ANKDD1A: variants seen among roughly 807,000 people sequenced by gnomAD.
ANKDD1A encodes the protein ankyrin repeat and death domain-containing protein 1A.
A neutral mutation model predicts 63.5 loss-of-function variants in ANKDD1A; 59 were observed. The observed-to-expected ratio is 0.93, with a 90% CI of 0.75 to 1.15. The LOEUF is 1.15. Among genes scored for constraint, ANKDD1A ranks in the 50% most tolerant of loss-of-function variants. The pLI is 0.00. For synonymous variants in ANKDD1A, 266 were observed against 263.9 expected, an observed-to-expected ratio of 1.01 and a Z score of -0.08; for missense variants, 632 against 656.4, an observed-to-expected ratio of 0.96 and a Z score of 0.41.
In ANKDD1A at chr15:64,949,954, G is replaced by C. The variant is rs2085257008; in HGVS notation, c.1465G>C (p.Gly489Arg). 1.2e-6 allele frequency: 2 copies of C among 1,610,010 alleles called. No individual in the cohort carries two copies. Among genetic ancestry groups the C allele is most frequent in the Admixed American group, 1.7e-5 (1 of 60,008 alleles). Residue 489 changes from glycine (G) to arginine (R), a missense_variant, in exon 14 of 15, where the codon GGC (glycine) becomes CGC (arginine). Gly to Arg is a moderately radical substitution (Grantham distance 125). Coordinates refer to ENST00000319580, the MANE Select transcript of ANKDD1A (RefSeq NM_182703.6). ...KALFEGLVAI[G>R]RRDLAGWSTM... Reference sequence around the variant, plus strand: ...GCTGTTCGAGGGCCTCGTGGCCATTGGCAGGAGGGACCTGGCTGGTAAGAG... The same window carrying C: ...GCTGTTCGAGGGCCTCGTGGCCATTCGCAGGAGGGACCTGGCTGGTAAGAG...
intron 4 of ANKDD1A, 39 bp from the exon 5 acceptor site, chr15:64,926,027 C>CT (rs756680521): frequency 5.1e-6 from 8 of 1,578,910 alleles, no homozygotes; most frequent in Non-Finnish European, 3.5e-6. Flanking sequence ...AAGGGCCTCC[C>CT]TTCACAGACT....
rs901509938 is a variant in ANKDD1A, at chr15:64,934,323, G to A, written c.867+89G>A. 4.0e-5 allele frequency: 50 copies of A among 1,265,320 alleles called. No individual in the cohort carries two copies. In the East Asian group the frequency reaches 9.1e-4, roughly 23 times the overall value. The allele number at this position is 1,265,320 out of a possible 1,614,324, so 78.4% of individuals were successfully genotyped here. ...AAGCACAGGGAGAAACAGGCACATC[G>A]GATCCTTGGGGTTGGGGTGCGGACC... On this transcript the variant is annotated intron_variant, in intron 9 of 14. Coordinates refer to ENST00000319580, the MANE Select transcript of ANKDD1A (RefSeq NM_182703.6).
At chr15:64,919,017 A>G (rs1373867013) in intron 3 of ANKDD1A, among the ~76,000 whole-genome samples, 1 of 152,164 alleles carries the variant, frequency 6.6e-6, no homozygotes. Flanking sequence ...TTTGAAAAAT[A>G]AGACAGCCTG....
intron 14 of ANKDD1A, among the ~76,000 whole-genome samples, chr15:64,954,379 CTT>C (rs782501480): frequency 0.25 from 6,542 of 26,652 alleles, 194 homozygotes; most frequent in Non-Finnish European, 0.42. Flanking sequence ...TCTTCCTTTT[CTT>C]TTCTTCTTCT....
At chr15:64,954,099 CT>C (rs1301145903) in intron 14 of ANKDD1A, among the ~76,000 whole-genome samples, 2 of 136,366 alleles carry the variant, frequency 1.5e-5, no homozygotes, top group Non-Finnish European at 3.1e-5. Context: ...TCTCCTCCCT[CT>C]TTTCTTCTTC....
At chr15:64,916,102 G>C (rs1202939871) in intron 2 of ANKDD1A, among the ~76,000 whole-genome samples, 1 of 152,270 alleles carries the variant, frequency 6.6e-6, no homozygotes, top group East Asian at 1.9e-4. Flanking sequence ...CCCAAGGTCA[G>C]GACCAGGATG....
intron 14 of ANKDD1A, chr15:64,950,908 G>A: frequency 8.0e-7 from 1 of 1,251,308 alleles, no homozygotes. Context: ...AGTCCTGTGA[G>A]GCAGAGCTTA....
Position 64,940,008 on chromosome 15 carries a change from C to A in ANKDD1A, c.868-2459C>A, listed in dbSNP as rs777450871. 1.2e-4 allele frequency among the ~76,000 whole-genome samples: 18 copies of A among 151,916 alleles called. 1 individual carries two copies. Among genetic ancestry groups the A allele is most frequent in the Admixed American group, 2.0e-4 (3 of 15,260 alleles). On this transcript the variant is annotated intron_variant, in intron 9 of 14. Coordinates refer to ENST00000319580, the MANE Select transcript of ANKDD1A (RefSeq NM_182703.6). The stretch of plus-strand genomic sequence containing the variant: ...TTGATTAATTGGACCTCATCAAAAT[C>A]AAAAAATTTTGCTCTGCAAAGGATC...
At chr15:64,942,720 T>C (rs147306053) in intron 10 of ANKDD1A, among the ~76,000 whole-genome samples, 155 bp downstream of exon 10, 6 of 151,826 alleles carry the variant, frequency 4.0e-5, no homozygotes, top group African/African-American at 1.5e-4. Context: ...AAATAGTTGC[T>C]GAAGGGAATA....
At chr15:64,954,218 C>T (rs1179196537) in intron 14 of ANKDD1A, among the ~76,000 whole-genome samples, 1 of 135,960 alleles carries the variant, frequency 7.4e-6, no homozygotes, top group African/African-American at 2.8e-5. Context: ...TTTTCTTCTT[C>T]TTCTTCTTCC....
chr15:64,940,245 A>G (rs56311024), intron 9 of ANKDD1A, among the ~76,000 whole-genome samples: 2,569 of 152,208 alleles, frequency 0.017, 41 homozygotes, highest in South Asian at 0.024. Context: ...ATCATTAGCT[A>G]TTAGGGAAGT....
intron 6 of ANKDD1A, among the ~76,000 whole-genome samples, chr15:64,927,606 T>TC (rs1567111603): frequency 6.7e-6 from 1 of 149,070 alleles, no homozygotes; most frequent in Non-Finnish European, 1.5e-5. Context: ...AATTCCCTTT[T>TC]TTTTTTTTTT....
rs201463070 is a variant in ANKDD1A, at chr15:64,956,893, A to G, written c.1484-210A>G. On this transcript the variant is annotated intron_variant, in intron 14 of 14. Transcript: ENST00000319580. ...AAACTTAAGAAAAATTCTAAAACAT[A>G]TTTGTGATCTATTACGTTATGATAT... 3.9e-5 allele frequency among the ~76,000 whole-genome samples: 6 copies of G among 152,240 alleles called. No individual in the cohort carries two copies. In the East Asian group the frequency reaches 1.2e-3, roughly 29 times the overall value.
intron 14 of ANKDD1A, among the ~76,000 whole-genome samples, chr15:64,955,073 G>A (rs1309385172): frequency 7.1e-6 from 1 of 140,324 alleles, no homozygotes; most frequent in Non-Finnish European, 1.5e-5. Flanking sequence ...TCTTTTTTTT[G>A]ATATGGAGTC....
At chr15:64,950,871 T>G (rs986063708) in intron 14 of ANKDD1A, 13 of 1,170,416 alleles carry the variant, frequency 1.1e-5, no homozygotes, top group Middle Eastern at 4.7e-4. Context: ...TAACACAAAC[T>G]GTGGCATGCA....
chr15:64,943,671 T>G, intron 11 of ANKDD1A, 89 bp downstream of exon 11: 1 of 1,183,996 alleles, frequency 8.4e-7, no homozygotes, highest in Non-Finnish European at 1.2e-6. Context: ...TCCCTCCTCC[T>G]TCTCAGGGTG....
intron 9 of ANKDD1A, among the ~76,000 whole-genome samples, chr15:64,936,087 A>G (rs896763941): frequency 2.0e-5 from 3 of 152,292 alleles, no homozygotes; most frequent in East Asian, 1.9e-4. Flanking sequence ...AAACAGGGAA[A>G]CATCTATGGT....
intron 9 of ANKDD1A, among the ~76,000 whole-genome samples, chr15:64,941,984 A>G (rs1047428142): frequency 2.0e-5 from 3 of 152,180 alleles, no homozygotes; most frequent in South Asian, 4.1e-4. Context: ...CATCGTTCCT[A>G]TTAGCTAAGT....
At chr15:64,923,401 T>C (rs939508126) in intron 4 of ANKDD1A, among the ~76,000 whole-genome samples, 1 of 152,204 alleles carries the variant, frequency 6.6e-6, no homozygotes. Flanking sequence ...CCATGAAGCT[T>C]ATAGTAATTT....
Sources: gnomAD v4.1 joint callset for allele counts (sites outside exome capture counted in the v4.1 genomes callset) on GRCh38, gnomAD v4.1.1 for gene constraint, MANE v1.5 for transcripts, NCBI Gene and HGNC (gene_info 2026-07-23, HGNC 2026-07-21) for gene names.